The following PCDHA5 variants were observed in gnomAD, a reference collection of about 807,000 sequenced individuals.
The protein encoded by PCDHA5 is protocadherin alpha 5.
Under a neutral mutation model 61.6 loss-of-function variants are expected in PCDHA5, and 43 were observed. The ratio of observed to expected loss-of-function variants is 0.70; its 90% confidence interval spans 0.55 to 0.90. The LOEUF is 0.90. Among genes scored for constraint, PCDHA5 ranks in the 40% least tolerant of loss-of-function variants. PCDHA5 has a pLI of 0.00. For synonymous variants in PCDHA5, 627 were observed against 543.9 expected (o/e 1.15, Z -2.13); for missense variants, 1,298 against 1,222.7 (o/e 1.06, Z -0.92).
intron 1 of PCDHA5, among the ~76,000 whole-genome samples, chr5:140,959,626 AAG>A (rs529579902): frequency 6.2e-4 from 95 of 152,334 alleles, no homozygotes; most frequent in African/African-American, 2.0e-3. Context: ...GATAGAAAAA[AAG>A]AGAGAAAAAA....
rs577838197 is a variant in PCDHA5, at chr5:140,982,551, A to G, written c.2488A>G (p.Ser830Gly). 28 of 1,614,198 alleles carry G rather than the reference A, an allele frequency of 1.7e-5. No individual in the cohort carries two copies. Among genetic ancestry groups the G allele is most frequent in the South Asian group, 1.2e-4 (11 of 91,088 alleles). The change falls in exon 3 of 4, where the codon AGT (serine) becomes GGT (glycine). Residue 830 changes from serine (S) to glycine (G), a missense_variant. Coordinates refer to ENST00000529859, the MANE Select transcript of PCDHA5 (RefSeq NM_018908.3). ...GPDQQWPTVS[S>G]ATPEPEAGEV... is the part of the protein sequence containing the mutation. ...TGATCAGCAGTGGCCAACAGTATCC[A>G]GTGCAACACCAGGTAAAGAGCTGGG... is the stretch of plus-strand genomic sequence containing the variant.
intron 1 of PCDHA5, among the ~76,000 whole-genome samples, chr5:140,898,608 T>G (rs1208473607): frequency 7.2e-5 from 11 of 152,362 alleles, no homozygotes; most frequent in African/African-American, 2.6e-4. Flanking sequence ...TAGTATAGTT[T>G]GAAGTCAGGT....
Position 140,822,747 on chromosome 5 carries a change from A to C in PCDHA5, c.972A>C (p.Lys324Asn). The change falls in exon 1 of 4, where the codon AAA (lysine) becomes AAC (asparagine). Residue 324 changes from lysine to asparagine, a missense_variant. Transcript: ENST00000529859. ...AAATTAATATTGATGCCATGGATAAAAGTACATTCCCATTATCAGGACACT... is the reference window on the plus strand; with the variant it reads ...AAATTAATATTGATGCCATGGATAACAGTACATTCCCATTATCAGGACACT... ...SYEINIDAMD[K>N]STFPLSGHCK... is the part of the protein sequence containing the mutation. 1 of 1,613,832 alleles carries C rather than the reference A, an allele frequency of 6.2e-7. No homozygotes were observed.
At chr5:140,850,631 T>A (rs2150491599) in intron 1 of PCDHA5, 1 of 1,598,518 alleles carries the variant, frequency 6.3e-7, no homozygotes, top group South Asian at 1.1e-5. Flanking sequence ...GCCTGTTGGT[T>A]CTCACGCTGC....
chr5:140,949,521 T>C (rs2094388357), intron 1 of PCDHA5, among the ~76,000 whole-genome samples: 1 of 151,932 alleles, frequency 6.6e-6, no homozygotes, highest in East Asian at 1.9e-4. Flanking sequence ...TTGATCCTTT[T>C]ATCTTCATAA....
In PCDHA5 at chr5:140,843,928, G is replaced by A. The variant is rs1028169690; in HGVS notation, c.2352+19801G>A. 7.7e-5 allele frequency: 45 copies of A among 584,434 alleles called. 4 individuals carry two copies. The highest frequency in any genetic ancestry group is 1.3e-4 in the Non-Finnish European group (44 of 335,490). The allele number at this position is 584,434 out of a possible 1,614,324, so 36.2% of individuals were successfully genotyped here. ...AAGTTGGGTCTATCTTGAAACTCAA[G>A]TTATGGTTGGATGATATCCATTTTT... On this transcript the variant is annotated intron_variant, in intron 1 of 3. Coordinates refer to ENST00000529859, the MANE Select transcript of PCDHA5 (RefSeq NM_018908.3).
In PCDHA5 at chr5:140,845,401, T is replaced by C. The variant is rs1326186010; in HGVS notation, c.2352+21274T>C. On this transcript the variant is annotated intron_variant, in intron 1 of 3. Transcript: ENST00000529859. Reference sequence around the variant, plus strand: ...GGAGGATTCTTTCCACCACCTAGCATTGTATTTGGCAATTTATCATTTAAG... The same window carrying C: ...GGAGGATTCTTTCCACCACCTAGCACTGTATTTGGCAATTTATCATTTAAG... Among the ~76,000 whole-genome samples, 3 of 149,536 alleles carry C rather than the reference T, an allele frequency of 2.0e-5. 1 individual carries two copies. The highest frequency in any genetic ancestry group is 1.5e-5 in the Non-Finnish European group (1 of 66,828).
rs999939821 is a variant in PCDHA5, at chr5:140,972,909, G to A, written c.2353-6040G>A. ...GATCTCTTGACCTTGTGATCCACCC[G>A]CCTTGGCCTCCCAAAGTGCTGGGAT... is the stretch of plus-strand genomic sequence containing the variant. On this transcript the variant is annotated intron_variant, in intron 1 of 3. Transcript: ENST00000529859. 5.3e-4 allele frequency among the ~76,000 whole-genome samples: 80 copies of A among 152,056 alleles called. 1 individual carries two copies. Among genetic ancestry groups the A allele is most frequent in the African/African-American group, 1.8e-3 (75 of 41,484 alleles).
At chr5:140,996,591 T>TC (rs201351256) in intron 3 of PCDHA5, among the ~76,000 whole-genome samples, 1,577 of 152,202 alleles carry the variant, frequency 0.01, 12 homozygotes, top group Middle Eastern at 0.058. Flanking sequence ...AAGGGCCGCC[T>TC]CCCCCCATTT....
chr5:140,971,928 T>C (rs1318885872), intron 1 of PCDHA5, among the ~76,000 whole-genome samples: 1 of 152,186 alleles, frequency 6.6e-6, no homozygotes, highest in Non-Finnish European at 1.5e-5. Flanking sequence ...GCTAGTGTTA[T>C]TTTAAGTTGT....
intron 1 of PCDHA5, among the ~76,000 whole-genome samples, chr5:140,906,762 G>GAGAC (rs1413130419): frequency 6.6e-6 from 1 of 152,218 alleles, no homozygotes; most frequent in Non-Finnish European, 1.5e-5. Context: ...GTAATACTAA[G>GAGAC]AGACACCCTA....
intron 1 of PCDHA5, among the ~76,000 whole-genome samples, chr5:140,907,337 A>G (rs2073315694): frequency 6.6e-6 from 1 of 152,210 alleles, no homozygotes; most frequent in Non-Finnish European, 1.5e-5. Flanking sequence ...TTCCATATGC[A>G]TGAGCCCGCT....
intron 1 of PCDHA5, chr5:140,857,387 G>A (rs369919324): frequency 2.5e-6 from 4 of 1,598,586 alleles, no homozygotes; most frequent in Admixed American, 1.7e-5. Flanking sequence ...GGTGGCCGAC[G>A]TGAACGACAA....
At chr5:140,869,740 A>G in intron 1 of PCDHA5, 1 of 1,613,346 alleles carries the variant, frequency 6.2e-7, no homozygotes, top group Non-Finnish European at 8.5e-7. Flanking sequence ...TTTGCTGCTA[A>G]CAGCTACAGA....
At chr5:140,862,842 G>T (rs1554157108) in intron 1 of PCDHA5, 2 of 572,864 alleles carry the variant, frequency 3.5e-6, no homozygotes, top group Middle Eastern at 3.7e-4. Context: ...CGGGCATGCC[G>T]CCTCTGAGCA....
chr5:140,877,581 C>G (rs904001764), intron 1 of PCDHA5: 1 of 1,613,842 alleles, frequency 6.2e-7, no homozygotes, highest in Admixed American at 1.7e-5. Context: ...TCATCATCGC[C>G]ATCTGTGCGG....
chr5:140,852,292 T>C (rs1554145741), intron 1 of PCDHA5: 1 of 478,914 alleles, frequency 2.1e-6, no homozygotes, highest in African/African-American at 2.1e-5. Context: ...CTTTTTATTT[T>C]TCTGAGACGG....
chr5:140,926,985 G>A, intron 1 of PCDHA5: 1 of 1,611,068 alleles, frequency 6.2e-7, no homozygotes, highest in Non-Finnish European at 8.5e-7. Flanking sequence ...AGGAGACGGA[G>A]CGGGGCGTAG....
At chr5:140,830,321 G>A (rs2150184954) in intron 1 of PCDHA5, 6 of 1,613,998 alleles carry the variant, frequency 3.7e-6, no homozygotes, top group Admixed American at 1.7e-5. Flanking sequence ...GTGCTCCAGC[G>A]CAGTGGGGAG....
Sources: gnomAD v4.1 joint callset for allele counts (sites outside exome capture counted in the v4.1 genomes callset) on GRCh38, gnomAD v4.1.1 for gene constraint, MANE v1.5 for transcripts, NCBI Gene and HGNC (gene_info 2026-07-23, HGNC 2026-07-21) for gene names.